ARHGAP40: variants seen among roughly 807,000 people sequenced by gnomAD.
ARHGAP40 encodes the protein Rho GTPase activating protein 40.
Under a neutral mutation model 73.5 loss-of-function variants are expected in ARHGAP40, and 43 were observed. The ratio of observed to expected loss-of-function variants is 0.58; its 90% CI spans 0.46 to 0.75. The LOEUF (loss-of-function observed/expected upper bound fraction) is 0.75, where lower values mean the gene tolerates loss of function less well. Among genes scored for constraint, ARHGAP40 ranks in the 30% least tolerant of loss-of-function variants. The probability of loss-of-function intolerance (pLI) is 0.00; values close to 1 mark genes in which losing one functional copy is unlikely to be tolerated. For synonymous variants in ARHGAP40, 300 were observed against 352.8 expected, an observed-to-expected ratio of 0.85 and a Z score of 1.68; for missense variants, 734 against 861.8, an observed-to-expected ratio of 0.85 and a Z score of 1.86.
At chr20:38,636,872 A>G (rs181079865) in intron 6 of ARHGAP40, among the ~76,000 whole-genome samples, 10 of 152,244 alleles carry the variant, frequency 6.6e-5, no homozygotes, top group Admixed American at 6.5e-4. Context: ...TGTTTCTTTA[A>G]AGACAAGAGG....
intron 1 of ARHGAP40, among the ~76,000 whole-genome samples, chr20:38,616,085 C>T (rs1012221730): frequency 2.0e-5 from 3 of 152,042 alleles, no homozygotes; most frequent in Non-Finnish European, 4.4e-5. Context: ...GCCACCCCAC[C>T]ACCCAGGCAC....
At position 38,639,003 on chromosome 20, in the gene ARHGAP40, CAG is replaced by C. The variant is rs147850063; in HGVS notation, c.1119+170_1119+171del. 9.4e-3 allele frequency among the ~76,000 whole-genome samples: 1,437 copies of C among 152,318 alleles called. 25 individuals carry two copies. Among genetic ancestry groups the C allele is most frequent in the African/African-American group, 0.033 (1,376 of 41,566 alleles). On this transcript the variant is annotated intron_variant, in intron 8 of 14. Coordinates refer to ENST00000373345, the Ensembl canonical transcript of ARHGAP40. ...GAAGGTGGCATGATGAGCATGGTGGCAGAGAGTGTGGGCCCTGGAGTCAGGCC... is the reference window on the plus strand; with the variant it reads ...GAAGGTGGCATGATGAGCATGGTGGCAGAGTGTGGGCCCTGGAGTCAGGCC...
chr20:38,637,271 G>A (rs934517756), intron 6 of ARHGAP40, among the ~76,000 whole-genome samples: 4 of 151,438 alleles, frequency 2.6e-5, no homozygotes, highest in South Asian at 2.1e-4. Flanking sequence ...TCAGCCTCCC[G>A]AGTAGCTGGG....
chr20:38,610,392 G>A (rs931093941), intron 1 of ARHGAP40, among the ~76,000 whole-genome samples: 11 of 152,296 alleles, frequency 7.2e-5, no homozygotes, highest in African/African-American at 2.4e-4. Flanking sequence ...TGGAACCAAG[G>A]TGTGAATGGG....
exon 1 of ARHGAP40, chr20:38,601,975 G>A (rs1201534011): frequency 7.8e-7 from 1 of 1,287,932 alleles, no homozygotes; most frequent in South Asian, 1.2e-5. Context: ...CCGCCGCCCA[G>A]ATGGAGAGGC....
intron 1 of ARHGAP40, among the ~76,000 whole-genome samples, chr20:38,613,643 C>T (rs1054256795): frequency 4.6e-5 from 7 of 152,168 alleles, no homozygotes; most frequent in Admixed American, 1.3e-4. Context: ...TTGGGCCCAG[C>T]GTGGGTCCTC....
At chr20:38,606,466 A>G (rs1163894525) in intron 1 of ARHGAP40, among the ~76,000 whole-genome samples, 1 of 152,184 alleles carries the variant, frequency 6.6e-6, no homozygotes, top group African/African-American at 2.4e-5. Flanking sequence ...CCTAATATAC[A>G]TGACATTCTT....
Position 38,646,194 on chromosome 20 carries a change from G to A in ARHGAP40, c.1710+7G>A. 3 of 1,298,488 alleles carry A rather than the reference G, an allele frequency of 2.3e-6. No individual in the cohort carries two copies. Among genetic ancestry groups the A allele is most frequent in the Non-Finnish European group, 3.0e-6 (3 of 985,460 alleles). The allele number at this position is 1,298,488 out of a possible 1,614,324, so 80.4% of individuals were successfully genotyped here. On this transcript the variant is annotated splice_region_variant and intron_variant, in intron 12 of 14. Coordinates refer to ENST00000373345, the Ensembl canonical transcript of ARHGAP40. This position sits in a 1 kb window ranked among gnomAD's most constrained non-coding sequence, Gnocchi z 4.5. ...GGGGGACGGCCTCGAGGCGGTGAGT[G>A]CCCCCGACCCCAGACAGGTGGAGAA...
chr20:38,629,601 G>A, exon 5 of ARHGAP40: 1 of 1,305,430 alleles, frequency 7.7e-7, no homozygotes, highest in Non-Finnish European at 1.0e-6. Context: ...CTGCAGAGGA[G>A]CAGGCCATCC....
At chr20:38,615,834 G>T (rs2088833792) in intron 1 of ARHGAP40, among the ~76,000 whole-genome samples, 1 of 152,194 alleles carries the variant, frequency 6.6e-6, no homozygotes, top group Non-Finnish European at 1.5e-5. Flanking sequence ...CCCAAACCCA[G>T]CAGCAATCAT....
intron 7 of ARHGAP40, among the ~76,000 whole-genome samples, chr20:38,638,125 C>T (rs576913417): frequency 2.7e-5 from 4 of 150,012 alleles, no homozygotes; most frequent in Admixed American, 6.7e-5. Context: ...CTGGTTAACA[C>T]GGTGAAACCC....
intron 6 of ARHGAP40, 83 bp from the exon 7 acceptor site, chr20:38,637,625 A>T: frequency 9.2e-7 from 1 of 1,091,590 alleles, no homozygotes; most frequent in Non-Finnish European, 1.3e-6. Flanking sequence ...GTCTGATTCT[A>T]GTTGCCCAGG....
At chr20:38,627,505 C>G (rs7352898) in intron 3 of ARHGAP40, among the ~76,000 whole-genome samples, 166 of 78,398 alleles carry the variant, frequency 2.1e-3, no homozygotes, top group South Asian at 4.6e-3. Flanking sequence ...ATGTTGGTGT[C>G]TGTGTGTTGG....
chr20:38,641,751 G>A (rs1016927578), exon 10 of ARHGAP40: 4 of 1,295,188 alleles, frequency 3.1e-6, no homozygotes, highest in Non-Finnish European at 4.1e-6. Context: ...AGCAGCGCCT[G>A]CAGGTTCTTC....
At chr20:38,637,683 G>A (rs1469508354) in intron 6 of ARHGAP40, 25 bp from the exon 7 acceptor site, 1 of 1,302,758 alleles carries the variant, frequency 7.7e-7, no homozygotes, top group African/African-American at 1.5e-5. Context: ...AGTGAAATGT[G>A]CCTCTGCTCT....
In ARHGAP40 at chr20:38,602,145, T is replaced by A. The variant is rs1269224359; in HGVS notation, c.137+66T>A. The stretch of plus-strand genomic sequence containing the variant: ...ATGCACCAGGGGCATGTGCGGTCTG[T>A]CTTCACAACATCCCTGTGAGGCAAG... On this transcript the variant is annotated intron_variant, in intron 1 of 14. Transcript: ENST00000373345. The A allele has an allele frequency of 3.3e-6, 4 of 1,219,594 alleles. No individual in the cohort carries two copies. The Admixed American group carries it at 1.1e-4, about 34-fold the overall frequency. 75.5% of individuals were successfully genotyped at this position (1,219,594 alleles called of 1,614,324 possible).
intron 1 of ARHGAP40, among the ~76,000 whole-genome samples, chr20:38,620,749 G>C (rs1008259456): frequency 3.9e-5 from 6 of 152,190 alleles, no homozygotes; most frequent in Non-Finnish European, 8.8e-5. Context: ...TTGCCAGGAG[G>C]TTGTGCCCTG....
At chr20:38,649,126 G>A (rs948775688) in intron 14 of ARHGAP40, among the ~76,000 whole-genome samples, 30 of 152,172 alleles carry the variant, frequency 2.0e-4, no homozygotes, top group African/African-American at 7.0e-4. Context: ...AGGATGGGCC[G>A]CTGTTTCCCT....
chr20:38,645,893 A>C (rs1434389633), intron 11 of ARHGAP40, among the ~76,000 whole-genome samples, 154 bp from the exon 12 acceptor site: 1 of 147,490 alleles, frequency 6.8e-6, no homozygotes, highest in Non-Finnish European at 1.5e-5. Flanking sequence ...CATTCCACCA[A>C]ACCAGTGCTT....
Sources: allele counts gnomAD v4.1 joint callset (sites outside exome capture counted in the v4.1 genomes callset), GRCh38; gene constraint gnomAD v4.1.1; non-coding constraint Gnocchi (gnomAD v3.1); transcripts MANE v1.5; gene names NCBI Gene and HGNC (gene_info 2026-07-23, HGNC 2026-07-21).